The following DRC3 variants were observed in gnomAD, a reference collection of about 807,000 sequenced individuals.
DRC3 encodes the protein leucine rich repeat containing 48.
Under a neutral mutation model 57.6 loss-of-function variants are expected in DRC3, and 45 were observed. The observed-to-expected ratio is 0.78, with a 90% CI of 0.62 to 1.00. The LOEUF (loss-of-function observed/expected upper bound fraction) is 1.00, where lower values mean the gene tolerates loss of function less well. Among genes scored for constraint, DRC3 ranks in the 50% least tolerant of loss-of-function variants. The pLI is 0.00. For missense variants in DRC3, 655 were observed against 675.2 expected (o/e 0.97, Z 0.33); for synonymous variants, 257 against 272.3 (o/e 0.94, Z 0.55).
At chr17:17,993,133 C>T (rs2043306090) in intron 6 of DRC3, 1 of 521,018 alleles carries the variant, frequency 1.9e-6, no homozygotes, top group Non-Finnish European at 3.4e-6. Flanking sequence ...AGGCCTCTTC[C>T]ACACACTGTC....
At chr17:17,990,671 C>G (rs1262936356) in intron 5 of DRC3, among the ~76,000 whole-genome samples, 1 of 152,230 alleles carries the variant, frequency 6.6e-6, no homozygotes. Context: ...CAGCACTTAA[C>G]TCAAAGCATA....
chr17:17,989,239 C>T (rs1051560805), intron 5 of DRC3, among the ~76,000 whole-genome samples: 9 of 152,100 alleles, frequency 5.9e-5, no homozygotes, highest in African/African-American at 1.7e-4. Flanking sequence ...AGCCTGGCCG[C>T]ACGCATCGTT....
Position 17,994,260 on chromosome 17 carries a change from G to C in DRC3, c.592-39G>C, listed in dbSNP as rs1024967145. 3.9e-6 allele frequency: 6 copies of C among 1,546,604 alleles called. No homozygotes were observed. The African/African-American group carries it at 8.2e-5, about 21-fold the overall frequency. On this transcript the variant is annotated intron_variant, in intron 6 of 13. Coordinates refer to ENST00000399187, the MANE Select transcript of DRC3 (RefSeq NM_031294.4). ...ATGGCAGAGGCGGTGTGGCTCGGAG[G>C]AACCTCTGGTAACAATGCCACTCCC...
chr17:18,015,440 C>A, intron 12 of DRC3: 1 of 152,490 alleles, frequency 6.6e-6, no homozygotes. Context: ...GCAACAATAG[C>A]CACAGTGTCA....
rs201331761 is a variant in DRC3, at chr17:17,977,754, T to A, written c.156T>A (p.Phe52Leu). The A allele has an allele frequency of 3.1e-6, 5 of 1,600,038 alleles. No homozygotes were observed. The African/African-American group carries it at 6.7e-5, about 21-fold the overall frequency. ...FKDVLSLQLDFRNILRIDNLW... is the reference protein window; with the variant it reads ...FKDVLSLQLDLRNILRIDNLW... ...ATGTCCTGTCCCTGCAGCTGGACTT[T>A]CGGAGTATGTATCCAAGGTTCAGGG... Residue 52 changes from phenylalanine (F) to leucine (L), a missense_variant, in exon 3 of 14, where the codon TTT becomes TTA. Transcript: ENST00000399187.
chr17:17,984,392 G>A (rs2042860142), intron 4 of DRC3, among the ~76,000 whole-genome samples: 1 of 152,168 alleles, frequency 6.6e-6, no homozygotes, highest in African/African-American at 2.4e-5. Flanking sequence ...CTTTCCATAT[G>A]GGTCTTTCAG....
At chr17:17,977,019 C>A (rs573136341) in intron 2 of DRC3, among the ~76,000 whole-genome samples, 1 of 152,220 alleles carries the variant, frequency 6.6e-6, no homozygotes, top group South Asian at 2.1e-4. Context: ...CTCAACTTCA[C>A]ATCTCCCACG....
chr17:17,994,828 A>G (rs996610921), intron 7 of DRC3, among the ~76,000 whole-genome samples, 171 bp from the exon 8 acceptor site: 1 of 152,164 alleles, frequency 6.6e-6, no homozygotes, highest in Admixed American at 6.5e-5. Context: ...AGACTGAGAA[A>G]TGTATAACAT....
At chr17:17,977,805 G>T in intron 3 of DRC3, 47 bp downstream of exon 3, 1 of 1,518,086 alleles carries the variant, frequency 6.6e-7, no homozygotes, top group African/African-American at 1.4e-5. Flanking sequence ...GGCCCTCCCT[G>T]GCTTTCTCTG....
intron 8 of DRC3, among the ~76,000 whole-genome samples, chr17:17,996,046 G>A (rs1028174209): frequency 2.0e-5 from 3 of 152,184 alleles, no homozygotes; most frequent in Admixed American, 1.3e-4. Flanking sequence ...TTGAGACAGC[G>A]TTGCGCTGTT....
At position 17,979,978 on chromosome 17, in the gene DRC3, T is replaced by G. The variant is rs540537573; in HGVS notation, c.160+2220T>G. On this transcript the variant is annotated intron_variant, in intron 3 of 13. Coordinates refer to ENST00000399187, the MANE Select transcript of DRC3 (RefSeq NM_031294.4). ...CCCACCCAGCCCTGGGAACCCAGGATAGGTGCAAGGCAGCAATCCAGCTCT... is the reference window on the plus strand; with the variant it reads ...CCCACCCAGCCCTGGGAACCCAGGAGAGGTGCAAGGCAGCAATCCAGCTCT... Among the ~76,000 whole-genome samples, 55 of 143,008 alleles carry G rather than the reference T, an allele frequency of 3.8e-4. No homozygotes were observed. In the South Asian group the frequency reaches 4.6e-3, roughly 12 times the overall value. 93.8% of individuals were successfully genotyped at this position (143,008 alleles called of 152,430 possible).
chr17:17,986,575 G>A (rs1454296725), intron 4 of DRC3, among the ~76,000 whole-genome samples: 1 of 150,428 alleles, frequency 6.6e-6, no homozygotes, highest in Non-Finnish European at 1.5e-5. Context: ...TGGTTCTCGT[G>A]CCTCAGCCTC....
chr17:17,997,423 C>T, intron 8 of DRC3, 37 bp from the exon 9 acceptor site: 1 of 1,607,706 alleles, frequency 6.2e-7, no homozygotes, highest in African/African-American at 1.3e-5. Flanking sequence ...GCAGCCTGCT[C>T]CTGAAACAGC....
Position 17,997,642 on chromosome 17 carries a change from C to T in DRC3, c.999+8C>T. On this transcript the variant is annotated splice_region_variant and intron_variant, in intron 9 of 13. Transcript: ENST00000399187. ...GAGGAGAAGCACTTGTCGGTAGGCC[C>T]CGAGCCTCCTGAGGCCCTCCCTGTC... The T allele has an allele frequency of 6.3e-7, 1 of 1,590,444 alleles. No homozygotes were observed. The highest frequency in any genetic ancestry group is 8.6e-7 in the Non-Finnish European group (1 of 1,169,536).
intron 12 of DRC3, among the ~76,000 whole-genome samples, chr17:18,009,405 AAAAAT>A (rs569830071): frequency 1.1e-4 from 16 of 152,178 alleles, no homozygotes; most frequent in Non-Finnish European, 2.1e-4. Flanking sequence ...CCTGTCTCAA[AAAAAT>A]AAAATAAAAT....
intron 3 of DRC3, among the ~76,000 whole-genome samples, chr17:17,983,031 TTATACA>T (rs550821448): frequency 1.8e-3 from 271 of 152,336 alleles, no homozygotes; most frequent in Non-Finnish European, 3.5e-3. Flanking sequence ...ACATATTTAC[TTATACA>T]TATGTGTTTT....
Position 17,994,365 on chromosome 17 carries a change from C to G in DRC3, c.658C>G (p.Gln220Glu). ...DELKHQENLM[Q>E]AQLEDEQAQR... ...GCTGAAGCACCAGGAGAACCTGATG[C>G]AGGCCCAGCTGGAGGACGAGCAGGC... Residue 220 changes from glutamine (Q) to glutamate (E), a missense_variant, in exon 7 of 14, where the codon CAG becomes GAG. Gln to Glu is a conservative substitution (Grantham distance 29, BLOSUM62 2). Transcript: ENST00000399187. 1 of 1,555,452 alleles carries G rather than the reference C, an allele frequency of 6.4e-7. No individual in the cohort carries two copies. The highest frequency in any genetic ancestry group is 8.7e-7 in the Non-Finnish European group (1 of 1,149,504).
chr17:17,989,938 G>A (rs1257414422), intron 5 of DRC3, among the ~76,000 whole-genome samples: 1 of 152,178 alleles, frequency 6.6e-6, no homozygotes, highest in Non-Finnish European at 1.5e-5. Context: ...AAACAACAAG[G>A]GCATTTAGTG....
At chr17:17,979,115 C>G (rs978613602) in intron 3 of DRC3, among the ~76,000 whole-genome samples, 7 of 152,150 alleles carry the variant, frequency 4.6e-5, no homozygotes, top group Non-Finnish European at 8.8e-5. Flanking sequence ...TTAGCAACAA[C>G]TTGAGGTAGG....
Sources: gnomAD v4.1 joint callset for allele counts (sites outside exome capture counted in the v4.1 genomes callset) on GRCh38, gnomAD v4.1.1 for gene constraint, MANE v1.5 for transcripts, NCBI Gene and HGNC (gene_info 2026-07-23, HGNC 2026-07-21) for gene names.